Variants in ZBTB42 observed in about 807,000 individuals in gnomAD.
ZBTB42 encodes the protein zinc finger and BTB domain containing 42.
Under a neutral mutation model 4.7 loss-of-function variants are expected in ZBTB42, and 3 were observed. The ratio of observed to expected loss-of-function variants is 0.64; its 90% CI spans 0.29 to 1.66. The LOEUF (loss-of-function observed/expected upper bound fraction) is 1.66, where lower values mean the gene tolerates loss of function less well. Ranked by LOEUF, ZBTB42 falls within the 40% of genes most tolerant of loss-of-function variation. ZBTB42 has a pLI of 0.10. For synonymous variants in ZBTB42, 255 were observed against 259.5 expected (o/e 0.98, Z 0.17); for missense variants, 521 against 577.1 (o/e 0.90, Z 1.00).
rs1894109894 is a variant in ZBTB42 at position 104,803,844 on chromosome 14, A to G, written c.*1378A>G. ...TCTGTGACTGGGAATGGCCTTGACA[A>G]CAGAGTCCAGCCAAGTCTACGTTAT... is the stretch of plus-strand genomic sequence containing the variant. On this transcript the variant is annotated 3_prime_UTR_variant, in exon 1 of 1. Transcript: ENST00000342537. The G allele has an allele frequency of 6.0e-6, 1 of 166,820 alleles. No homozygotes were observed. 10.3% of individuals were successfully genotyped at this position (166,820 alleles called of 1,614,324 possible). A position where few individuals can be genotyped will look rare whatever the true frequency, so the allele number is the denominator to read the frequency against.
rs924424501 is a variant in ZBTB42 at position 104,801,239 on chromosome 14, G to A, written c.42G>A (p.Leu14=). ...ACGGCGGACGGCTGCTGGGCCGCCT[G>A]AGACAGCAGCGCGAGCTGGGCTTCC... ...PEHGGRLLGR[L]RQQRELGFLC... The change falls in exon 1 of 1, where the codon CTG becomes CTA. Residue 14 remains leucine (L), a synonymous_variant. Transcript: ENST00000342537. The surrounding 1 kb of genome is among the most constrained non-coding windows in gnomAD (Gnocchi z 4.4). The A allele has an allele frequency of 1.1e-5, 17 of 1,478,370 alleles. 1 individual carries two copies. The highest frequency in any genetic ancestry group is 2.4e-5 in the Admixed American group (1 of 41,898). 91.6% of individuals were successfully genotyped at this position (1,478,370 alleles called of 1,614,324 possible). A position where few individuals can be genotyped will look rare whatever the true frequency, so the allele number is the denominator to read the frequency against.
In ZBTB42 at chr14:104,802,036, G is replaced by A. The variant is rs1433276029; in HGVS notation, c.839G>A (p.Arg280Gln). Residue 280 changes from arginine to glutamine, a missense_variant, in exon 1 of 1, where the codon CGA (arginine) becomes CAA (glutamine). Arg to Gln is a conservative substitution (Grantham distance 43). Coordinates refer to ENST00000342537, the MANE Select transcript of ZBTB42 (RefSeq NM_001137601.3). This position sits in a 1 kb window ranked among gnomAD's most constrained non-coding sequence, Gnocchi z 5.9. Reference protein sequence around the residue: ...GSRELELGAGRLASEDELGPG... With the variant: ...GSRELELGAGQLASEDELGPG... Reference sequence around the variant, plus strand: ...CGGGAGCTGGAGCTTGGTGCAGGGCGACTGGCGAGTGAGGACGAGCTGGGG... The same window carrying A: ...CGGGAGCTGGAGCTTGGTGCAGGGCAACTGGCGAGTGAGGACGAGCTGGGG... 1.3e-6 allele frequency: 2 copies of A among 1,495,410 alleles called. No individual in the cohort carries two copies. The highest frequency in any genetic ancestry group is 2.5e-5 in the East Asian group (1 of 40,416). 92.6% of individuals were successfully genotyped at this position (1,495,410 alleles called of 1,614,324 possible). A position where few individuals can be genotyped will look rare whatever the true frequency, so the allele number is the denominator to read the frequency against.
Position 104,801,975 on chromosome 14 carries a change from G to T in ZBTB42, c.778G>T (p.Gly260Cys). 1 of 1,514,178 alleles carries T rather than the reference G, an allele frequency of 6.6e-7. No individual in the cohort carries two copies. The allele number at this position is 1,514,178 out of a possible 1,614,324, so 93.8% of individuals were successfully genotyped here. The change falls in exon 1 of 1, where the codon GGC becomes TGC. Residue 260 changes from glycine (G) to cysteine (C), a missense_variant. Gly to Cys is a radical substitution (Grantham distance 159, BLOSUM62 -3). Transcript: ENST00000342537. The surrounding 1 kb of genome is among the most constrained non-coding windows in gnomAD (Gnocchi z 4.4). ...TCCTGCAGCCAAGGGCCTGGTGGTG[G>T]GCTTGCAGCCGCTGCCCCTCAGCGG... ...PVPAAKGLVV[G>C]LQPLPLSGEG...
In ZBTB42 at chr14:104,801,666, G is replaced by T; in HGVS notation, c.469G>T (p.Ala157Ser). ...GGACCTCTGCCCAGCTGCCCGAAAG[G>T]CCAAGCTCCCCCCGTTTGGGGTCAA... ...TADLCPAARK[A>S]KLPPFGVKAA... Residue 157 changes from alanine (A) to serine (S), a missense_variant, in exon 1 of 1, where the codon GCC becomes TCC. Transcript: ENST00000342537. The surrounding 1 kb of genome is among the most constrained non-coding windows in gnomAD (Gnocchi z 4.4). 1 of 1,550,262 alleles carries T rather than the reference G, an allele frequency of 6.5e-7. No individual in the cohort carries two copies. Among genetic ancestry groups the T allele is most frequent in the African/African-American group, 1.4e-5 (1 of 73,178 alleles).
rs562214833 is a variant in ZBTB42, at chr14:104,802,484, T to C, written c.*18T>C. ...TGGTGTGATGCATCCCTGTGGGTCC[T>C]GAGGGTGGGGTGGAAGGGAAGGGAT... On this transcript the variant is annotated 3_prime_UTR_variant, in exon 1 of 1. Transcript: ENST00000342537. This position sits in a 1 kb window ranked among gnomAD's most constrained non-coding sequence, Gnocchi z 5.9. 120 of 1,540,434 alleles carry C rather than the reference T, an allele frequency of 7.8e-5. No individual in the cohort carries two copies. Among genetic ancestry groups the C allele is most frequent in the Non-Finnish European group, 1.0e-4 (114 of 1,140,606 alleles).
rs1894083471 is a variant in ZBTB42 at position 104,802,931 on chromosome 14, A to C, written c.*465A>C. The stretch of plus-strand genomic sequence containing the variant: ...AGGTGAATTATTCACATGTCAGAAA[A>C]GTTGTTGGTGTGCGTCCCAATGGGG... On this transcript the variant is annotated 3_prime_UTR_variant, in exon 1 of 1. Coordinates refer to ENST00000342537, the MANE Select transcript of ZBTB42 (RefSeq NM_001137601.3). This position sits in a 1 kb window ranked among gnomAD's most constrained non-coding sequence, Gnocchi z 5.9. The C allele has an allele frequency of 1.0e-5, 2 of 197,600 alleles. No individual in the cohort carries two copies. The highest frequency in any genetic ancestry group is 2.3e-5 in the Non-Finnish European group (2 of 87,118). The allele number at this position is 197,600 out of a possible 1,614,324, so 12.2% of individuals were successfully genotyped here.
Position 104,801,271 on chromosome 14 carries a change from A to T in ZBTB42, c.74A>T (p.Asp25Val), listed in dbSNP as rs1040369630. 3 of 1,535,260 alleles carry T rather than the reference A, an allele frequency of 2.0e-6. No homozygotes were observed. In the African/African-American group the frequency reaches 4.1e-5, roughly 21 times the overall value. ...RQQRELGFLC[D>V]CTVLVGDARF... is the part of the protein sequence containing the mutation. ...CAGCGCGAGCTGGGCTTCCTATGCG[A>T]CTGCACCGTGCTGGTGGGCGACGCG... The change falls in exon 1 of 1, where the codon GAC becomes GTC. Residue 25 changes from aspartate (D) to valine (V), a missense_variant. Physicochemically the swap from Asp to Val is radical, Grantham distance 152. Transcript: ENST00000342537. This position sits in a 1 kb window ranked among gnomAD's most constrained non-coding sequence, Gnocchi z 4.4.
rs987033093 is a variant in ZBTB42, at chr14:104,804,559, A to C, written c.*2093A>C. The C allele has an allele frequency of 6.0e-6, 1 of 166,874 alleles. No individual in the cohort carries two copies. The highest frequency in any genetic ancestry group is 2.4e-5 in the African/African-American group (1 of 41,434). 10.3% of individuals were successfully genotyped at this position (166,874 alleles called of 1,614,324 possible). ...TGGGGGTCTCCTGGGCCAGCTCGGC[A>C]CCTGTGGGTGCTCTGACCCTGGGGG... is the stretch of plus-strand genomic sequence containing the variant. On this transcript the variant is annotated 3_prime_UTR_variant, in exon 1 of 1. Transcript: ENST00000342537.
chr14:104,801,341 C>G lies in ZBTB42; in HGVS notation c.144C>G (p.Tyr48Ter). Residue 48 changes from tyrosine to a stop codon, truncating the protein, a stop_gained, in exon 1 of 1, where the codon TAC becomes TAG. Transcript: ENST00000342537. LOFTEE classifies it low-confidence loss of function (END_TRUNC). The surrounding 1 kb of genome is among the most constrained non-coding windows in gnomAD (Gnocchi z 4.4). ...HRAVLAACSV[Y>*]FHLFYRDRPA... ...CCGTGCTGGCCGCGTGCAGCGTCTA[C>G]TTCCATCTCTTCTACAGGGACCGGC... The G allele has an allele frequency of 6.5e-7, 1 of 1,548,696 alleles. No individual in the cohort carries two copies. Among genetic ancestry groups the G allele is most frequent in the East Asian group, 2.4e-5 (1 of 40,890 alleles).
Position 104,803,700 on chromosome 14 carries a change from C to T in ZBTB42, c.*1234C>T, listed in dbSNP as rs1894107128. On this transcript the variant is annotated 3_prime_UTR_variant, in exon 1 of 1. Coordinates refer to ENST00000342537, the MANE Select transcript of ZBTB42 (RefSeq NM_001137601.3). ...ACAACCCCCACACATGTCGTTGGTT[C>T]AGGTCGCCCTGCTTTGCCTGCCTAA... The T allele has an allele frequency of 6.0e-6, 1 of 166,884 alleles. No individual in the cohort carries two copies. Among genetic ancestry groups the T allele is most frequent in the Non-Finnish European group, 1.5e-5 (1 of 68,120 alleles). 10.3% of individuals were successfully genotyped at this position (166,884 alleles called of 1,614,324 possible).
chr14:104,802,445 C>T lies in ZBTB42; in HGVS notation c.1248C>T (p.Leu416=), dbSNP rs148885604. Residue 416 remains leucine, a synonymous_variant, in exon 1 of 1, where the codon CTC becomes CTT. Coordinates refer to ENST00000342537, the MANE Select transcript of ZBTB42 (RefSeq NM_001137601.3). This position sits in a 1 kb window ranked among gnomAD's most constrained non-coding sequence, Gnocchi z 5.9. ...YRHVRKFHCG[L]VKSLLV is the part of the protein sequence containing the mutation. Reference sequence around the variant, plus strand: ...ACGTCCGCAAGTTTCACTGTGGCCTCGTCAAGTCCCTTCTGGTGTGATGCA... The same window carrying T: ...ACGTCCGCAAGTTTCACTGTGGCCTTGTCAAGTCCCTTCTGGTGTGATGCA... The T allele has an allele frequency of 8.5e-5, 132 of 1,550,570 alleles. 3 individuals are homozygous for T. In the Middle Eastern group the frequency reaches 2.0e-3, roughly 24 times the overall value.
chr14:104,801,155 C>T lies in ZBTB42; in HGVS notation c.-43C>T. 1 of 1,382,612 alleles carries T rather than the reference C, an allele frequency of 7.2e-7. No individual in the cohort carries two copies. Among genetic ancestry groups the T allele is most frequent in the Non-Finnish European group, 9.3e-7 (1 of 1,073,986 alleles). The allele number at this position is 1,382,612 out of a possible 1,614,324, so 85.6% of individuals were successfully genotyped here. A position where few individuals can be genotyped will look rare whatever the true frequency, so the allele number is the denominator to read the frequency against. On this transcript the variant is annotated 5_prime_UTR_variant, in exon 1 of 1. Coordinates refer to ENST00000342537, the MANE Select transcript of ZBTB42 (RefSeq NM_001137601.3). This position sits in a 1 kb window ranked among gnomAD's most constrained non-coding sequence, Gnocchi z 4.4. ...CGCTTCGTGGGCGCCTCCAGGCGCG[C>T]TGACGGGCGTCCCGTTTGTGCCCAG...
chr14:104,801,221 A>C lies in ZBTB42; in HGVS notation c.24A>C (p.Gly8=). 6.9e-7 allele frequency: 1 copy of C among 1,447,118 alleles called. No individual in the cohort carries two copies. Among genetic ancestry groups the C allele is most frequent in the Non-Finnish European group, 9.1e-7 (1 of 1,103,374 alleles). 89.6% of individuals were successfully genotyped at this position (1,447,118 alleles called of 1,614,324 possible). ...GCATGGAGTTCCCTGAGCACGGCGGACGGCTGCTGGGCCGCCTGAGACAGC... is the reference window on the plus strand; with the variant it reads ...GCATGGAGTTCCCTGAGCACGGCGGCCGGCTGCTGGGCCGCCTGAGACAGC... MEFPEHG[G]RLLGRLRQQR... is the part of the protein sequence containing the mutation. The change falls in exon 1 of 1, where the codon GGA becomes GGC. Residue 8 remains glycine, a synonymous_variant. Transcript: ENST00000342537. This position sits in a 1 kb window ranked among gnomAD's most constrained non-coding sequence, Gnocchi z 4.4.
chr14:104,802,532 G>A lies in ZBTB42; in HGVS notation c.*66G>A. The A allele has an allele frequency of 1.3e-6, 2 of 1,503,660 alleles. No homozygotes were observed. Among genetic ancestry groups the A allele is most frequent in the Non-Finnish European group, 8.9e-7 (1 of 1,121,114 alleles). The allele number at this position is 1,503,660 out of a possible 1,614,324, so 93.1% of individuals were successfully genotyped here. A position where few individuals can be genotyped will look rare whatever the true frequency, so the allele number is the denominator to read the frequency against. ...GATGGGCCCTCCCAGGTGGGACACAGCATGGGGTGTGAAGCCTGACCAGGT... is the reference window on the plus strand; with the variant it reads ...GATGGGCCCTCCCAGGTGGGACACAACATGGGGTGTGAAGCCTGACCAGGT... On this transcript the variant is annotated 3_prime_UTR_variant, in exon 1 of 1. Coordinates refer to ENST00000342537, the MANE Select transcript of ZBTB42 (RefSeq NM_001137601.3). The surrounding 1 kb of genome is among the most constrained non-coding windows in gnomAD (Gnocchi z 5.9).
At position 104,802,446 on chromosome 14, in the gene ZBTB42, G is replaced by C; in HGVS notation, c.1249G>C (p.Val417Leu). The change falls in exon 1 of 1, where the codon GTC (valine) becomes CTC (leucine). Residue 417 changes from valine to leucine, a missense_variant. Coordinates refer to ENST00000342537, the MANE Select transcript of ZBTB42 (RefSeq NM_001137601.3). This position sits in a 1 kb window ranked among gnomAD's most constrained non-coding sequence, Gnocchi z 5.9. ...RHVRKFHCGL[V>L]KSLLV ...CGTCCGCAAGTTTCACTGTGGCCTC[G>C]TCAAGTCCCTTCTGGTGTGATGCAT... The C allele has an allele frequency of 1.3e-6, 2 of 1,550,604 alleles. No homozygotes were observed. Among genetic ancestry groups the C allele is most frequent in the Non-Finnish European group, 1.7e-6 (2 of 1,146,948 alleles).
Position 104,801,711 on chromosome 14 carries a change from G to A in ZBTB42, c.514G>A (p.Ala172Thr). The A allele has an allele frequency of 6.5e-7, 1 of 1,550,164 alleles. No homozygotes were observed. The highest frequency in any genetic ancestry group is 8.7e-7 in the Non-Finnish European group (1 of 1,146,922). ...FGVKAALPPR[A>T]SGPPPCQVPE... The stretch of plus-strand genomic sequence containing the variant: ...GGTCAAGGCTGCCCTCCCTCCTCGA[G>A]CATCTGGGCCTCCTCCCTGCCAGGT... Residue 172 changes from alanine to threonine, a missense_variant, in exon 1 of 1, where the codon GCA (alanine) becomes ACA (threonine). Transcript: ENST00000342537. This position sits in a 1 kb window ranked among gnomAD's most constrained non-coding sequence, Gnocchi z 4.4.
In ZBTB42 at chr14:104,804,392, G is replaced by A. The variant is rs530126887; in HGVS notation, c.*1926G>A. ...TCTGCACAGCTACTGTGAAGATAACGTAAGGAGAAGTGGTCAGTTTTCATT... is the reference window on the plus strand; with the variant it reads ...TCTGCACAGCTACTGTGAAGATAACATAAGGAGAAGTGGTCAGTTTTCATT... On this transcript the variant is annotated 3_prime_UTR_variant, in exon 1 of 1. Transcript: ENST00000342537. The A allele has an allele frequency of 1.8e-5, 3 of 167,036 alleles. No individual in the cohort carries two copies. The highest frequency in any genetic ancestry group is 2.1e-4 in the South Asian group (1 of 4,828). The allele number at this position is 167,036 out of a possible 1,614,324, so 10.3% of individuals were successfully genotyped here.
Position 104,802,284 on chromosome 14 carries a change from A to G in ZBTB42, c.1087A>G (p.Thr363Ala). The change falls in exon 1 of 1, where the codon ACG (threonine) becomes GCG (alanine). Residue 363 changes from threonine to alanine, a missense_variant. Coordinates refer to ENST00000342537, the MANE Select transcript of ZBTB42 (RefSeq NM_001137601.3). This position sits in a 1 kb window ranked among gnomAD's most constrained non-coding sequence, Gnocchi z 5.9. ...GACACACTCGGGTGAGAAGCCCTAT[A>G]CGTGTGTGCAGTGTGGCAAAAGTTT... The part of the protein sequence containing the change: ...ERTHSGEKPY[T>A]CVQCGKSFQY... 1.3e-6 allele frequency: 2 copies of G among 1,550,334 alleles called. No individual in the cohort carries two copies. The highest frequency in any genetic ancestry group is 1.7e-6 in the Non-Finnish European group (2 of 1,146,956).
rs1894043947 is a variant in ZBTB42 at position 104,801,620 on chromosome 14, C to T, written c.423C>T (p.Cys141=). Residue 141 remains cysteine (C), a synonymous_variant, in exon 1 of 1, where the codon TGC becomes TGT. Transcript: ENST00000342537. This position sits in a 1 kb window ranked among gnomAD's most constrained non-coding sequence, Gnocchi z 4.4. The part of the protein sequence containing the change: ...APGAEPAQPP[C]PWPVWTADLC... ...GGGCAGAACCTGCTCAGCCACCGTG[C>T]CCCTGGCCTGTCTGGACCGCGGACC... The T allele has an allele frequency of 1.3e-6, 2 of 1,550,048 alleles. No individual in the cohort carries two copies. The highest frequency in any genetic ancestry group is 2.0e-5 in the Admixed American group (1 of 51,000).
Sources: gnomAD v4.1 joint callset for allele counts on GRCh38, gnomAD v4.1.1 for gene constraint, Gnocchi (gnomAD v3.1) non-coding constraint, MANE v1.5 for transcripts, NCBI Gene and HGNC (gene_info 2026-07-23, HGNC 2026-07-21) for gene names.